RPRD1B: variants seen among roughly 807,000 people sequenced by gnomAD.
The protein encoded by RPRD1B is regulation of nuclear pre-mRNA domain containing 1B.
A neutral mutation model predicts 41.5 loss-of-function variants in RPRD1B; 11 were observed. That is an observed-to-expected ratio of 0.27 (90% confidence interval 0.17 to 0.44). RPRD1B has a LOEUF of 0.44. RPRD1B is among the 20% of genes least tolerant of loss of function. The probability of loss-of-function intolerance (pLI) is 1.00; values close to 1 mark genes in which losing one functional copy is unlikely to be tolerated. For synonymous variants in RPRD1B, 158 were observed against 155.6 expected (o/e 1.02, Z -0.12); for missense variants, 248 against 389.9 (o/e 0.64, Z 3.06).
intron 1 of RPRD1B, among the ~76,000 whole-genome samples, chr20:38,036,346 G>A (rs990126323): frequency 2.0e-5 from 3 of 152,176 alleles, no homozygotes; most frequent in Admixed American, 1.3e-4. Context: ...TGTACTCAGT[G>A]CCTCAATGCA....
intron 6 of RPRD1B, among the ~76,000 whole-genome samples, chr20:38,069,889 C>G (rs12626173): frequency 0.18 from 27,534 of 152,180 alleles, 2,909 homozygotes; most frequent in Middle Eastern, 0.34. Context: ...GCAGGTCTCC[C>G]AAAGTTTGCT....
Position 38,091,763 on chromosome 20 carries a change from T to C in RPRD1B, c.*1888T>C. On this transcript the variant is annotated 3_prime_UTR_variant, in exon 7 of 7. Transcript: ENST00000373433. ...AATCCAGCCAAAAGAGGATCGTAGA[T>C]ATTTGCTCTGATCAACTAGATGAAA... is the stretch of plus-strand genomic sequence containing the variant. The C allele has an allele frequency of 1.0e-6, 1 of 985,840 alleles. No individual in the cohort carries two copies. Among genetic ancestry groups the C allele is most frequent in the East Asian group, 1.1e-4 (1 of 8,812 alleles). The allele number at this position is 985,840 out of a possible 1,614,324, so 61.1% of individuals were successfully genotyped here.
intron 3 of RPRD1B, among the ~76,000 whole-genome samples, chr20:38,055,468 C>T (rs192276206): frequency 1.3e-5 from 2 of 149,996 alleles, no homozygotes; most frequent in East Asian, 2.0e-4. Context: ...TTTTTGTTAG[C>T]GTCTCTTCCT....
intron 6 of RPRD1B, among the ~76,000 whole-genome samples, chr20:38,087,047 C>T (rs982690723): frequency 8.6e-5 from 13 of 151,940 alleles, no homozygotes; most frequent in Admixed American, 7.2e-4. Context: ...ACCTCTGCCC[C>T]GCCGGGTTCA....
intron 4 of RPRD1B, 90 bp downstream of exon 4, chr20:38,057,734 T>A (rs2074258767): frequency 1.1e-6 from 1 of 892,368 alleles, no homozygotes; most frequent in Non-Finnish European, 1.8e-6. Flanking sequence ...CAGTGACCAC[T>A]GGTATGGAAT....
In RPRD1B at chr20:38,091,458, C is replaced by G; in HGVS notation, c.*1583C>G. The G allele has an allele frequency of 1.0e-6, 1 of 985,316 alleles. No homozygotes were observed. The highest frequency in any genetic ancestry group is 4.7e-5 in the South Asian group (1 of 21,278). 61.0% of individuals were successfully genotyped at this position (985,316 alleles called of 1,614,324 possible). Reference sequence around the variant, plus strand: ...TGTGTAGAACCTAGTAGTGTTTGAGCTGTTATTCAGATTTGAATTCAGACT... The same window carrying G: ...TGTGTAGAACCTAGTAGTGTTTGAGGTGTTATTCAGATTTGAATTCAGACT... On this transcript the variant is annotated 3_prime_UTR_variant, in exon 7 of 7. Transcript: ENST00000373433.
At position 38,040,411 on chromosome 20, in the gene RPRD1B, ATTCTT is replaced by A. The variant is rs750573727; in HGVS notation, c.152-11_152-7del. The A allele has an allele frequency of 1.2e-5, 19 of 1,564,538 alleles. No homozygotes were observed. The highest frequency in any genetic ancestry group is 5.6e-5 in the African/African-American group (4 of 72,034). Reference sequence around the variant, plus strand: ...TGAGAATTTCTTTGGTGTAAGTTAAATTCTTTTCTTTTCTTTTTTTCAGCCAAATC... The same window carrying A: ...TGAGAATTTCTTTGGTGTAAGTTAAATTCTTTTCTTTTTTTCAGCCAAATC... On this transcript the variant is annotated intron_variant, in intron 1 of 6. Transcript: ENST00000373433.
At chr20:38,045,617 CTG>C (rs2074113246) in intron 2 of RPRD1B, among the ~76,000 whole-genome samples, 1 of 152,292 alleles carries the variant, frequency 6.6e-6, no homozygotes, top group African/African-American at 2.4e-5. Flanking sequence ...GTGCCTGAAA[CTG>C]TACACAAAAC....
intron 3 of RPRD1B, among the ~76,000 whole-genome samples, chr20:38,054,755 A>G (rs1331452595): frequency 1.3e-5 from 2 of 152,212 alleles, no homozygotes; most frequent in Non-Finnish European, 2.9e-5. Flanking sequence ...CTTCTTTAGC[A>G]TATCTAATAG....
At chr20:38,079,690 T>G (rs2122762163) in intron 6 of RPRD1B, among the ~76,000 whole-genome samples, 1 of 152,360 alleles carries the variant, frequency 6.6e-6, no homozygotes, top group Non-Finnish European at 1.5e-5. Context: ...AACTTAGGCA[T>G]GCATGTGTCT....
At chr20:38,040,801 T>G (rs1318926938) in intron 2 of RPRD1B, among the ~76,000 whole-genome samples, 3 of 152,226 alleles carry the variant, frequency 2.0e-5, no homozygotes, top group African/African-American at 7.2e-5. Context: ...ATATATTCAT[T>G]TTCATTTTTT....
chr20:38,033,861 C>A lies in RPRD1B; in HGVS notation c.-87C>A. The A allele has an allele frequency of 7.4e-7, 1 of 1,345,128 alleles. No homozygotes were observed. The highest frequency in any genetic ancestry group is 1.4e-5 in the South Asian group (1 of 69,762). 83.3% of individuals were successfully genotyped at this position (1,345,128 alleles called of 1,614,324 possible). A position where few individuals can be genotyped will look rare whatever the true frequency, so the allele number is the denominator to read the frequency against. On this transcript the variant is annotated 5_prime_UTR_variant, in exon 1 of 7. Coordinates refer to ENST00000373433, the MANE Select transcript of RPRD1B (RefSeq NM_021215.4). Reference sequence around the variant, plus strand: ...GTCGGTAAAAAGTCCCGCAGCCTGTCAGGTGAGGCCCCGGCCTCGTGCCGT... The same window carrying A: ...GTCGGTAAAAAGTCCCGCAGCCTGTAAGGTGAGGCCCCGGCCTCGTGCCGT...
intron 6 of RPRD1B, among the ~76,000 whole-genome samples, chr20:38,069,574 T>C (rs995197419): frequency 5.3e-5 from 8 of 152,296 alleles, no homozygotes; most frequent in African/African-American, 1.7e-4. Flanking sequence ...AGGTCTGTGC[T>C]CTTTAAGAAG....
At chr20:38,065,857 T>C (rs2074349343) in intron 5 of RPRD1B, 1 of 412,930 alleles carries the variant, frequency 2.4e-6, no homozygotes, top group Non-Finnish European at 4.3e-6. Context: ...TCCCCCCATG[T>C]ACAGCTTCCT....
chr20:38,070,577 G>A (rs2074401794), intron 6 of RPRD1B: 4 of 985,412 alleles, frequency 4.1e-6, no homozygotes, highest in Non-Finnish European at 4.8e-6. Flanking sequence ...GGTTGGATAG[G>A]GTTCCTGTCT....
Position 38,090,772 on chromosome 20 carries a change from G to A in RPRD1B, c.*897G>A. The A allele has an allele frequency of 1.0e-6, 1 of 985,464 alleles. No homozygotes were observed. Among genetic ancestry groups the A allele is most frequent in the Non-Finnish European group, 1.2e-6 (1 of 829,962 alleles). The allele number at this position is 985,464 out of a possible 1,614,324, so 61.0% of individuals were successfully genotyped here. A position where few individuals can be genotyped will look rare whatever the true frequency, so the allele number is the denominator to read the frequency against. On this transcript the variant is annotated 3_prime_UTR_variant, in exon 7 of 7. Transcript: ENST00000373433. ...TTTGGGATCTGTGTGGGTGTTTCTT[G>A]GACCCTTTCTTCTGGGAGTAGGGTA...
At chr20:38,042,698 G>A (rs755760511) in intron 2 of RPRD1B, among the ~76,000 whole-genome samples, 4 of 152,130 alleles carry the variant, frequency 2.6e-5, no homozygotes, top group African/African-American at 7.2e-5. Flanking sequence ...TGCTTCAACC[G>A]TGATGCAGCT....
intron 3 of RPRD1B, among the ~76,000 whole-genome samples, chr20:38,054,791 G>A (rs2074223082): frequency 6.6e-6 from 1 of 152,098 alleles, no homozygotes; most frequent in Admixed American, 6.5e-5. Flanking sequence ...TCTTCTAGGT[G>A]CTTGAAAGCA....
chr20:38,035,871 T>C (rs1459051998), intron 1 of RPRD1B, among the ~76,000 whole-genome samples: 1 of 151,856 alleles, frequency 6.6e-6, no homozygotes, highest in African/African-American at 2.4e-5. Context: ...TTCATGCCAT[T>C]CTCCTGCCTC....
Sources: allele counts gnomAD v4.1 joint callset (sites outside exome capture counted in the v4.1 genomes callset), GRCh38; gene constraint gnomAD v4.1.1; transcripts MANE v1.5; gene names NCBI Gene and HGNC (gene_info 2026-07-23, HGNC 2026-07-21).